Variants in MUC6 observed in about 807,000 individuals in gnomAD.
MUC6 encodes mucin-6.
A neutral mutation model predicts 201.5 loss-of-function variants in MUC6; 188 were observed. That is an observed-to-expected ratio of 0.93 (90% confidence interval 0.83 to 1.05). The LOEUF (loss-of-function observed/expected upper bound fraction) is 1.05, where lower values mean the gene tolerates loss of function less well. Ranked by LOEUF, MUC6 falls within the 50% of genes least tolerant of loss-of-function variation. The pLI is 0.00. For synonymous variants in MUC6, 1,228 were observed against 1,389.4 expected, an observed-to-expected ratio of 0.88 and a Z score of 2.58; for missense variants, 2,706 against 3,256.9, an observed-to-expected ratio of 0.83 and a Z score of 4.12.
At position 1,030,977 on chromosome 11, in the gene MUC6, G is replaced by A. The variant is rs764575910; in HGVS notation, c.654C>T (p.Ile218=). 8.8e-6 allele frequency: 14 copies of A among 1,585,078 alleles called. No individual in the cohort carries two copies. The highest frequency in any genetic ancestry group is 1.2e-5 in the Non-Finnish European group (14 of 1,166,382). The change falls in exon 6 of 33, where the codon ATC becomes ATT. Residue 218 remains isoleucine (I), a synonymous_variant. Coordinates refer to ENST00000421673, the MANE Select transcript of MUC6 (RefSeq NM_005961.3). Reference sequence around the variant, plus strand: ...GGGCCTGCCGGACGTGGGTGCTGGGGATGTCCTGGAAGGTGCAGATCTCGC... The same window carrying A: ...GGGCCTGCCGGACGTGGGTGCTGGGAATGTCCTGGAAGGTGCAGATCTCGC... The part of the protein sequence containing the change: ...DPGEICTFQD[I]PSTHVRQAQH...
rs2133831041 is a variant in MUC6, at chr11:1,027,806, G to A, written c.1860C>T (p.Tyr620=). Residue 620 remains tyrosine, a synonymous_variant, in exon 16 of 33, where the codon TAC becomes TAT. Coordinates refer to ENST00000421673, the MANE Select transcript of MUC6 (RefSeq NM_005961.3). ...AGGTCTCCTCGTAGTTGCAGGCCTG[G>A]TACACGCACCTCTGCGGGCAGAGAG... ...NPAPFYKRCV[Y]QACNYEETFP... is the part of the protein sequence containing the mutation. 1 of 1,610,698 alleles carries A rather than the reference G, an allele frequency of 6.2e-7. No homozygotes were observed.
chr11:1,027,543 C>T (rs1188211727), intron 16 of MUC6, 26 bp from the exon 17 acceptor site: 4 of 1,608,742 alleles, frequency 2.5e-6, no homozygotes, highest in East Asian at 2.2e-5. Flanking sequence ...GCATCAGACT[C>T]TCCGGGAGGG....
intron 27 of MUC6, 22 bp downstream of exon 27, chr11:1,021,193 C>G (rs200818631): frequency 1.9e-6 from 3 of 1,555,140 alleles, no homozygotes; most frequent in Non-Finnish European, 2.6e-6. Context: ...GCAGGGTTCT[C>G]AGGGCAGCCG....
chr11:1,019,903 G>T, intron 29 of MUC6, 187 bp downstream of exon 29: 1 of 801,054 alleles, frequency 1.2e-6, no homozygotes, highest in Non-Finnish European at 2.1e-6. Context: ...GCCATGACCA[G>T]CTTGTCTTTA....
In MUC6 at chr11:1,025,218, G is replaced by A; in HGVS notation, c.2949C>T (p.His983=). 6.2e-7 allele frequency: 1 copy of A among 1,612,816 alleles called. No individual in the cohort carries two copies. The highest frequency in any genetic ancestry group is 8.5e-7 in the Non-Finnish European group (1 of 1,179,832). ...GGGCGATCCTGATGAGGATGGTCAT[G>A]TGCCTGTTCCAGATGAGCGTCAGGT... ...RYNLTLIWNR[H]MTILIRIARA... The change falls in exon 23 of 33, where the codon CAC becomes CAT. Residue 983 remains histidine, a synonymous_variant. Transcript: ENST00000421673.
At position 1,029,316 on chromosome 11, in the gene MUC6, T is replaced by C. The variant is rs1305085411; in HGVS notation, c.1187A>G (p.His396Arg). ...WVCTERPCPG[H>R]CSLEGGSFVT... is the part of the protein sequence containing the mutation. ...AAAGGAGCCACCTTCCAGGGAGCAG[T>C]GTCCGGGGCACGGCCGCTCCGTGCA... The change falls in exon 10 of 33, where the codon CAC becomes CGC. Residue 396 changes from histidine (H) to arginine (R), a missense_variant. Transcript: ENST00000421673. 17 of 1,605,844 alleles carry C rather than the reference T, an allele frequency of 1.1e-5. No individual in the cohort carries two copies. In the Admixed American group the frequency reaches 2.7e-4, roughly 26 times the overall value.
rs1856959627 is a variant in MUC6 at position 1,026,372 on chromosome 11, A to T, written c.2501T>A (p.Val834Asp). The T allele has an allele frequency of 6.2e-7, 1 of 1,603,778 alleles. No individual in the cohort carries two copies. Among genetic ancestry groups the T allele is most frequent in the Non-Finnish European group, 8.5e-7 (1 of 1,176,058 alleles). Residue 834 changes from valine to aspartate, a missense_variant, in exon 20 of 33, where the codon GTC becomes GAC. By Grantham distance (152) the Val-to-Asp change is radical. This residue lies in a region of MUC6 where 1,850 missense variants were observed against 1,958.3 expected (regional missense o/e 0.94). Coordinates refer to ENST00000421673, the MANE Select transcript of MUC6 (RefSeq NM_005961.3). ...PEECPCEFSG[V>D]SYPGGAELHT... ...GAGCTCAGCTCCTCCAGGGTAGGAGACCCCCGAGAACTCACATGGGCACTC... is the reference window on the plus strand; with the variant it reads ...GAGCTCAGCTCCTCCAGGGTAGGAGTCCCCCGAGAACTCACATGGGCACTC...
intron 29 of MUC6, 24 bp from the exon 30 acceptor site, chr11:1,019,520 C>T (rs771871127): frequency 6.3e-7 from 1 of 1,597,210 alleles, no homozygotes; most frequent in South Asian, 1.1e-5. Context: ...CCGCCCGGAA[C>T]ATCCCCTTGC....
chr11:1,023,301 AAT>A (rs1410492134), intron 26 of MUC6, among the ~76,000 whole-genome samples: 2 of 151,924 alleles, frequency 1.3e-5, no homozygotes, highest in African/African-American at 4.8e-5. Context: ...TGAATGAATG[AAT>A]ATGCGTGAAT....
At chr11:1,023,426 G>T in intron 26 of MUC6, 83 bp downstream of exon 26, 1 of 1,454,752 alleles carries the variant, frequency 6.9e-7, no homozygotes, top group Non-Finnish European at 9.3e-7. Context: ...GTGAATGAAT[G>T]AATGCGTGTG....
intron 7 of MUC6, 81 bp downstream of exon 7, chr11:1,030,492 G>A (rs765940869): frequency 1.2e-5 from 18 of 1,443,268 alleles, no homozygotes; most frequent in East Asian, 2.5e-5. Context: ...CAGGCGTCAC[G>A]TCAGGCAGTC....
rs930700162 is a variant in MUC6, at chr11:1,024,860, G to A, written c.3209C>T (p.Ala1070Val). 2.5e-6 allele frequency: 4 copies of A among 1,609,756 alleles called. No individual in the cohort carries two copies. The South Asian group carries it at 3.3e-5, about 13-fold the overall frequency. ...KCSVINSQTF[A>V]TCHSKVYHLP... is the part of the protein sequence containing the mutation. ...GGTGCCCACCTTGCTGTGGCAGGTG[G>A]CAAAGGTCTGGCTGTTGATGACGCT... The change falls in exon 24 of 33, where the codon GCC becomes GTC. Residue 1070 changes from alanine (A) to valine (V), a missense_variant. Physicochemically the swap from Ala to Val is moderately conservative, Grantham distance 64 (BLOSUM62 0). Coordinates refer to ENST00000421673, the MANE Select transcript of MUC6 (RefSeq NM_005961.3).
chr11:1,027,241 C>T, intron 17 of MUC6, 27 bp downstream of exon 17: 3 of 1,611,984 alleles, frequency 1.9e-6, no homozygotes, highest in Non-Finnish European at 2.5e-6. Context: ...CAGGGACCCC[C>T]CGCCTGGCCC....
Position 1,014,890 on chromosome 11 carries a change from G to A in MUC6, c.7039+872C>T, listed in dbSNP as rs567044473. On this transcript the variant is annotated intron_variant, in intron 31 of 32. Transcript: ENST00000421673. ...TCCTGCTCCCTCGCCTCTGCTTCTT[G>A]GGGTCACCTCCCTGGTTACACCTTG... Among the ~76,000 whole-genome samples, 22 of 152,258 alleles carry A rather than the reference G, an allele frequency of 1.4e-4. No individual in the cohort carries two copies. In the South Asian group the frequency reaches 4.6e-3, roughly 32 times the overall value.
chr11:1,028,625 C>T (rs1421029074), intron 13 of MUC6, 21 bp downstream of exon 13: 9 of 1,603,002 alleles, frequency 5.6e-6, no homozygotes, highest in Non-Finnish European at 7.7e-6. Flanking sequence ...AACAGGGCCA[C>T]CTGGAGAGGC....
At chr11:1,032,286 T>G (rs1298703920) in intron 2 of MUC6, among the ~76,000 whole-genome samples, 1 of 152,034 alleles carries the variant, frequency 6.6e-6, no homozygotes, top group Admixed American at 6.5e-5. Context: ...GTATGTGTGT[T>G]GTGTGTGTGC....
At chr11:1,032,626 AGT>A (rs766591048) in intron 2 of MUC6, among the ~76,000 whole-genome samples, 22 of 138,432 alleles carry the variant, frequency 1.6e-4, no homozygotes, top group East Asian at 6.5e-4. Flanking sequence ...GCGTGTTGTA[AGT>A]GTGCATGTTT....
Position 1,013,964 on chromosome 11 carries a change from C to T in MUC6, c.7077G>A (p.Thr2359=), listed in dbSNP as rs1223039428. The T allele has an allele frequency of 2.5e-6, 4 of 1,609,278 alleles. No homozygotes were observed. The highest frequency in any genetic ancestry group is 3.4e-6 in the Non-Finnish European group (4 of 1,178,472). ...CSVREQQEEI[T]FKGCMANVTV... is the part of the protein sequence containing the mutation. ...TCACGTTCGCCATGCACCCCTTGAA[C>T]GTGATCTCCTCCTGCTGCTCCCGCA... is the stretch of plus-strand genomic sequence containing the variant. Residue 2359 remains threonine, a synonymous_variant, in exon 32 of 33, where the codon ACG becomes ACA. Coordinates refer to ENST00000421673, the MANE Select transcript of MUC6 (RefSeq NM_005961.3).
intron 26 of MUC6, among the ~76,000 whole-genome samples, chr11:1,022,372 C>G (rs1856836779): frequency 6.6e-6 from 1 of 152,216 alleles, no homozygotes; most frequent in Non-Finnish European, 1.5e-5. Context: ...CAGCCCGCGC[C>G]CCTCACTCGC....
Sources: allele counts gnomAD v4.1 joint callset (sites outside exome capture counted in the v4.1 genomes callset), GRCh38; gene constraint gnomAD v4.1.1; regional missense constraint gnomAD v4.1.1; transcripts MANE v1.5; gene names NCBI Gene and HGNC (gene_info 2026-07-23, HGNC 2026-07-21).